Variants in TFDP1 observed in about 807,000 individuals in gnomAD.
TFDP1 encodes the protein transcription factor Dp-1, also known as DRTF1-polypeptide 1.
TFDP1 carries 6 observed loss-of-function variants against 48.0 expected under a neutral mutation model. The observed-to-expected ratio is 0.13, with a 90% CI of 0.07 to 0.25. The LOEUF is 0.25. TFDP1 is among the 10% of genes least tolerant of loss of function. The pLI, the probability that TFDP1 is intolerant of heterozygous loss-of-function variation, is 1.00. For missense variants in TFDP1, 335 were observed against 543.0 expected (o/e 0.62, Z 3.81); for synonymous variants, 201 against 211.6 (o/e 0.95, Z 0.44).
rs188440661 is a variant in TFDP1 at position 113,633,389 on chromosome 13, C to A, written c.474+104C>A. Reference sequence around the variant, plus strand: ...AACAGTTAAAACCATACAGAAAATGCCAAGTACAGCATAAAAGAATTTTTA... The same window carrying A: ...AACAGTTAAAACCATACAGAAAATGACAAGTACAGCATAAAAGAATTTTTA... On this transcript the variant is annotated intron_variant, in intron 6 of 11. Transcript: ENST00000375370. The surrounding 1 kb of genome is among the most constrained non-coding windows in gnomAD (Gnocchi z 4.5). 162 of 942,382 alleles carry A rather than the reference C, an allele frequency of 1.7e-4. 1 individual carries two copies. In the East Asian group the frequency reaches 3.4e-3, roughly 20 times the overall value. 58.4% of individuals were successfully genotyped at this position (942,382 alleles called of 1,614,324 possible).
chr13:113,613,374 A>G (rs995211602), intron 3 of TFDP1, among the ~76,000 whole-genome samples: 37 of 152,352 alleles, frequency 2.4e-4, no homozygotes, highest in African/African-American at 8.4e-4. Context: ...TTAAATTTTG[A>G]AGTATGAAAA....
intron 2 of TFDP1, among the ~76,000 whole-genome samples, chr13:113,606,653 G>C (rs2048578621): frequency 6.6e-6 from 1 of 152,152 alleles, no homozygotes; most frequent in African/African-American, 2.4e-5. Context: ...CAGTTCACCT[G>C]CCTCCAGTGC....
At chr13:113,630,378 C>G (rs1401334028) in intron 4 of TFDP1, among the ~76,000 whole-genome samples, 2 of 152,136 alleles carry the variant, frequency 1.3e-5, no homozygotes, top group Admixed American at 1.3e-4. Context: ...AAATGTTTTT[C>G]TTCTCCGGAG....
intron 10 of TFDP1, chr13:113,637,329 G>A (rs1566679592): frequency 3.4e-6 from 1 of 290,268 alleles, no homozygotes; most frequent in Non-Finnish European, 6.7e-6. Flanking sequence ...GAGAGGGTCA[G>A]AGATTCCTCC....
chr13:113,595,841 G>A (rs556589465), intron 2 of TFDP1, among the ~76,000 whole-genome samples: 2 of 152,226 alleles, frequency 1.3e-5, no homozygotes. Context: ...CCAGCACTTT[G>A]GGAGGCTGAG....
chr13:113,599,240 C>G (rs973701507), intron 2 of TFDP1, among the ~76,000 whole-genome samples: 6 of 151,990 alleles, frequency 3.9e-5, no homozygotes, highest in African/African-American at 1.2e-4. Context: ...TTCAGACACA[C>G]ACAAAGGAGA....
intron 5 of TFDP1, among the ~76,000 whole-genome samples, chr13:113,632,718 C>A (rs1263362338): frequency 1.3e-5 from 2 of 152,178 alleles, no homozygotes; most frequent in South Asian, 2.1e-4. Flanking sequence ...GTGGAGGTTG[C>A]AGTGAGCCGA....
At chr13:113,606,194 G>A (rs1235368597) in intron 2 of TFDP1, among the ~76,000 whole-genome samples, 12 of 149,236 alleles carry the variant, frequency 8.0e-5, no homozygotes, top group South Asian at 2.1e-4. Flanking sequence ...AAGGCGGTGC[G>A]GTGGTTGAGT....
chr13:113,591,851 C>A (rs1344786155), intron 2 of TFDP1, among the ~76,000 whole-genome samples: 1 of 152,192 alleles, frequency 6.6e-6, no homozygotes, highest in Admixed American at 6.5e-5. Flanking sequence ...TTAGGTGACC[C>A]CTCATCCCCC....
In TFDP1 at chr13:113,584,785, G is replaced by A. The variant is rs2047951798; in HGVS notation, c.-168G>A. ...CCAGGGCAGGGACCCCGCCACGGCCGGGACCGCCCGGCCCGGCCCCAGCCC... is the reference window on the plus strand; with the variant it reads ...CCAGGGCAGGGACCCCGCCACGGCCAGGACCGCCCGGCCCGGCCCCAGCCC... On this transcript the variant is annotated 5_prime_UTR_variant, in exon 1 of 12. Transcript: ENST00000375370. The A allele has an allele frequency of 6.8e-6, 1 of 146,200 alleles. No homozygotes were observed. Among genetic ancestry groups the A allele is most frequent in the Admixed American group, 6.8e-5 (1 of 14,720 alleles). The allele number at this position is 146,200 out of a possible 1,614,324, so 9.1% of individuals were successfully genotyped here.
intron 3 of TFDP1, among the ~76,000 whole-genome samples, chr13:113,611,510 A>G (rs1433734584): frequency 1.3e-5 from 2 of 152,174 alleles, no homozygotes; most frequent in South Asian, 2.1e-4. Flanking sequence ...GTATTTTACT[A>G]GCTCTTGAGG....
chr13:113,619,502 A>G (rs1157458415), intron 3 of TFDP1, among the ~76,000 whole-genome samples: 1 of 149,342 alleles, frequency 6.7e-6, no homozygotes, highest in Non-Finnish European at 1.5e-5. Context: ...AAAAAAAAAG[A>G]AGAAGCCCAC....
intron 2 of TFDP1, among the ~76,000 whole-genome samples, chr13:113,595,854 G>A (rs931386362): frequency 1.3e-5 from 2 of 152,182 alleles, no homozygotes; most frequent in South Asian, 2.1e-4. Context: ...AGGCTGAGGC[G>A]GGCGGATCAC....
intron 2 of TFDP1, among the ~76,000 whole-genome samples, chr13:113,592,602 C>T (rs774536771): frequency 6.6e-6 from 1 of 152,228 alleles, no homozygotes; most frequent in Non-Finnish European, 1.5e-5. Context: ...TCATTAACAT[C>T]GCGTCACTGG....
intron 2 of TFDP1, among the ~76,000 whole-genome samples, chr13:113,601,512 G>C (rs1011140156): frequency 4.6e-5 from 7 of 152,222 alleles, no homozygotes; most frequent in Admixed American, 3.9e-4. Context: ...TCTGGTGCTT[G>C]GTGGGAGCAG....
intron 1 of TFDP1, 70 bp from the exon 2 acceptor site, chr13:113,585,704 T>C: frequency 1.0e-6 from 1 of 985,714 alleles, no homozygotes; most frequent in Non-Finnish European, 1.5e-6. Context: ...AGATGTGTTA[T>C]TTTTTAAACT....
chr13:113,595,955 A>G lies in TFDP1; in HGVS notation c.12+10106A>G, dbSNP rs536535641. 7.0e-3 allele frequency among the ~76,000 whole-genome samples: 1,058 copies of G among 152,226 alleles called. 12 individuals carry two copies. Among genetic ancestry groups the G allele is most frequent in the South Asian group, 0.026 (123 of 4,814 alleles). ...AAGTTAGCTGGGCGTGGTGGCGGGC[A>G]CCTGTAGTCCCAGCTACTTGGGAGG... On this transcript the variant is annotated intron_variant, in intron 2 of 11. Transcript: ENST00000375370.
At chr13:113,601,187 T>C (rs1048861186) in intron 2 of TFDP1, among the ~76,000 whole-genome samples, 1 of 152,110 alleles carries the variant, frequency 6.6e-6, no homozygotes, top group East Asian at 1.9e-4. Context: ...TCACCCAGCG[T>C]CTCCTGCCTG....
chr13:113,602,979 A>AAAAC (rs1555352089), intron 2 of TFDP1, among the ~76,000 whole-genome samples: 1 of 133,178 alleles, frequency 7.5e-6, no homozygotes, highest in East Asian at 2.1e-4. Flanking sequence ...CTAAAAAAAA[A>AAAAC]AAAAAAACGT....
Sources: allele counts gnomAD v4.1 joint callset (sites outside exome capture counted in the v4.1 genomes callset), GRCh38; gene constraint gnomAD v4.1.1; non-coding constraint Gnocchi (gnomAD v3.1); transcripts MANE v1.5; gene names NCBI Gene and HGNC (gene_info 2026-07-23, HGNC 2026-07-21).